The following CRTAP variants were observed in gnomAD, a reference collection of about 807,000 sequenced individuals.
CRTAP encodes cartilage-associated protein.
CRTAP carries 33 observed loss-of-function variants against 42.7 expected under a neutral mutation model. The observed-to-expected ratio is 0.77, with a 90% CI of 0.59 to 1.03. The LOEUF (loss-of-function observed/expected upper bound fraction) is 1.03. Ranked by LOEUF, CRTAP falls within the 50% of genes least tolerant of loss-of-function variation. CRTAP has a pLI of 0.00. For missense variants in CRTAP, 613 were observed against 533.9 expected (o/e 1.15, Z -1.46); for synonymous variants, 243 against 217.7 (o/e 1.12, Z -1.02).
rs2125609407 is a variant in CRTAP, at chr3:33,146,986, C to T, written c.*4538C>T. ...ATAGTGTCAGAACATGGAACTGCAA[C>T]ACAGTTTGTAGCAAGGCACTGAGAA... is the stretch of plus-strand genomic sequence containing the variant. On this transcript the variant is annotated 3_prime_UTR_variant, in exon 7 of 7. Transcript: ENST00000320954. 1 of 152,694 alleles carries T rather than the reference C, an allele frequency of 6.5e-6. No individual in the cohort carries two copies. The highest frequency in any genetic ancestry group is 2.1e-4 in the South Asian group (1 of 4,826). The allele number at this position is 152,694 out of a possible 1,614,324, so 9.5% of individuals were successfully genotyped here.
At chr3:33,122,929 G>A (rs910861819) in intron 2 of CRTAP, among the ~76,000 whole-genome samples, 1 of 151,830 alleles carries the variant, frequency 6.6e-6, no homozygotes, top group African/African-American at 2.4e-5. Flanking sequence ...TTATTTCTTG[G>A]AGACCAAGCT....
intron 4 of CRTAP, among the ~76,000 whole-genome samples, 185 bp from the exon 5 acceptor site, chr3:33,132,370 G>A (rs531074714): frequency 6.6e-6 from 1 of 152,304 alleles, no homozygotes; most frequent in South Asian, 2.1e-4. Context: ...TTCAAGCCTG[G>A]CCTCCAGGCT....
chr3:33,115,745 T>A (rs1247915942), intron 1 of CRTAP, among the ~76,000 whole-genome samples: 1 of 152,126 alleles, frequency 6.6e-6, no homozygotes, highest in African/African-American at 2.4e-5. Context: ...GTTTCTGGAC[T>A]GCAAGATCTG....
intron 3 of CRTAP, 74 bp downstream of exon 3, chr3:33,124,653 C>T: frequency 6.4e-7 from 1 of 1,559,502 alleles, no homozygotes; most frequent in Non-Finnish European, 8.8e-7. Flanking sequence ...TGCCTGCATG[C>T]CTGCTAGATG....
At chr3:33,140,158 A>G (rs988757713) in intron 6 of CRTAP, among the ~76,000 whole-genome samples, 1 of 152,250 alleles carries the variant, frequency 6.6e-6, no homozygotes, top group Admixed American at 6.5e-5. Context: ...GATTTTTCAC[A>G]TGATTCAGTA....
At chr3:33,126,477 A>T (rs2030076208) in intron 3 of CRTAP, among the ~76,000 whole-genome samples, 1 of 152,166 alleles carries the variant, frequency 6.6e-6, no homozygotes, top group Admixed American at 6.5e-5. Context: ...AGGCTTGAAC[A>T]GGCTCGGTTT....
At chr3:33,120,145 C>T (rs1701399841) in intron 1 of CRTAP, among the ~76,000 whole-genome samples, 199 bp from the exon 2 acceptor site, 1 of 152,206 alleles carries the variant, frequency 6.6e-6, no homozygotes, top group Non-Finnish European at 1.5e-5. Context: ...CGAGGCCATC[C>T]AGACAGTCGC....
At chr3:33,125,467 C>T (rs1575516480) in intron 3 of CRTAP, among the ~76,000 whole-genome samples, 2 of 72,754 alleles carry the variant, frequency 2.7e-5, no homozygotes, top group South Asian at 5.4e-4. Context: ...ACTTTTTATT[C>T]ATTAATCTCT....
intron 3 of CRTAP, among the ~76,000 whole-genome samples, chr3:33,125,027 A>G (rs1322778108): frequency 3.9e-5 from 6 of 152,352 alleles, no homozygotes; most frequent in Admixed American, 3.3e-4. Flanking sequence ...TGTGCTCATT[A>G]TAGGAAGTTT....
At chr3:33,121,022 G>A (rs1375297377) in intron 2 of CRTAP, among the ~76,000 whole-genome samples, 1 of 152,138 alleles carries the variant, frequency 6.6e-6, no homozygotes, top group Non-Finnish European at 1.5e-5. Context: ...AAGAAAGAAC[G>A]ATCTCGCCCT....
chr3:33,136,757 TGA>T (rs770706845), intron 6 of CRTAP, among the ~76,000 whole-genome samples: 1 of 151,900 alleles, frequency 6.6e-6, no homozygotes, highest in Non-Finnish European at 1.5e-5. Flanking sequence ...GAACTCAGAG[TGA>T]GAACTCACTT....
chr3:33,131,814 C>A (rs1439458317), intron 4 of CRTAP, among the ~76,000 whole-genome samples: 2 of 152,080 alleles, frequency 1.3e-5, no homozygotes, highest in Non-Finnish European at 2.9e-5. Flanking sequence ...TTTATTCATA[C>A]CCAAGCTTTG....
rs1164227396 is a variant in CRTAP at position 33,144,482 on chromosome 3, A to AT, written c.*2037dup. ...GAACCTGTGAAAGCCTTTATCAGTCATTTATTGGCTGTGAGAAGTTCTCTG... is the reference window on the plus strand; with the variant it reads ...GAACCTGTGAAAGCCTTTATCAGTCATTTTATTGGCTGTGAGAAGTTCTCTG... On this transcript the variant is annotated 3_prime_UTR_variant, in exon 7 of 7. Transcript: ENST00000320954. 5 of 152,216 alleles carry AT rather than the reference A, an allele frequency of 3.3e-5. No individual in the cohort carries two copies. The highest frequency in any genetic ancestry group is 7.3e-5 in the Non-Finnish European group (5 of 68,078). The allele number at this position is 152,216 out of a possible 1,614,324, so 9.4% of individuals were successfully genotyped here. A position where few individuals can be genotyped will look rare whatever the true frequency, so the allele number is the denominator to read the frequency against.
chr3:33,129,884 C>T (rs916529347), intron 3 of CRTAP, 55 bp from the exon 4 acceptor site: 10 of 1,540,936 alleles, frequency 6.5e-6, no homozygotes, highest in Non-Finnish European at 9.0e-6. Flanking sequence ...GAGGCAGTAG[C>T]ATATTAAGAA....
In CRTAP at chr3:33,114,308, G is replaced by A. The variant is rs576184132; in HGVS notation, c.231G>A (p.Leu77=). 1.4e-5 allele frequency: 21 copies of A among 1,554,308 alleles called. No individual in the cohort carries two copies. The highest frequency in any genetic ancestry group is 1.9e-4 in the Middle Eastern group (1 of 5,362). The part of the protein sequence containing the change: ...LEISLRLHRL[L]RDSEAFCHRN... ...TCAGCCTGCGGCTGCACCGCTTGCT[G>A]CGCGACAGCGAGGCCTTCTGCCACC... Residue 77 remains leucine, a synonymous_variant, in exon 1 of 7, where the codon CTG becomes CTA. Coordinates refer to ENST00000320954, the MANE Select transcript of CRTAP (RefSeq NM_006371.5).
intron 3 of CRTAP, among the ~76,000 whole-genome samples, chr3:33,126,996 C>A (rs1057167277): frequency 6.6e-6 from 1 of 152,142 alleles, no homozygotes; most frequent in Non-Finnish European, 1.5e-5. Context: ...AAGGAAACAA[C>A]CATATATACA....
chr3:33,132,403 C>A, intron 4 of CRTAP, 152 bp from the exon 5 acceptor site: 1 of 1,061,450 alleles, frequency 9.4e-7, no homozygotes. Context: ...CCATCTGTGG[C>A]CTGCCCACCC....
chr3:33,139,307 GA>G lies in CRTAP; in HGVS notation c.1153-3079del, dbSNP rs898419430. On this transcript the variant is annotated intron_variant, in intron 6 of 6. Coordinates refer to ENST00000320954, the MANE Select transcript of CRTAP (RefSeq NM_006371.5). ...GACAGAGCAAGACCCTGTCTCTCTG[GA>G]AAAAAAAAGAAGTGGAGAGAGTGAA... Among the ~76,000 whole-genome samples the G allele has an allele frequency of 2.0e-3, 294 of 150,434 alleles. 1 individual carries two copies. The highest frequency in any genetic ancestry group is 6.9e-3 in the African/African-American group (284 of 41,014).
intron 3 of CRTAP, among the ~76,000 whole-genome samples, chr3:33,126,128 C>G (rs1303047238): frequency 6.6e-6 from 1 of 152,160 alleles, no homozygotes; most frequent in Non-Finnish European, 1.5e-5. Context: ...TCCCCATATC[C>G]CCTTCCCCCC....
Sources: gnomAD v4.1 joint callset for allele counts (sites outside exome capture counted in the v4.1 genomes callset) on GRCh38, gnomAD v4.1.1 for gene constraint, MANE v1.5 for transcripts, NCBI Gene and HGNC (gene_info 2026-07-23, HGNC 2026-07-21) for gene names.